Variants in ADGRV1 observed in about 807,000 individuals in gnomAD.
ADGRV1 encodes the protein G-protein coupled receptor 98.
Under a neutral mutation model 596.2 loss-of-function variants are expected in ADGRV1, and 359 were observed. The ratio of observed to expected loss-of-function variants is 0.60; its 90% confidence interval spans 0.55 to 0.66. ADGRV1 has a LOEUF of 0.66. Among genes scored for constraint, ADGRV1 ranks in the 30% least tolerant of loss-of-function variants. The pLI, the probability that ADGRV1 is intolerant of heterozygous loss-of-function variation, is 0.00. For missense variants in ADGRV1, 7,274 were observed against 7,575.6 expected (o/e 0.96, Z 1.48); for synonymous variants, 2,681 against 2,679.2 (o/e 1.00, Z -0.02).
chr5:90,677,611 T>A (rs541316215), intron 25 of ADGRV1, among the ~76,000 whole-genome samples: 1 of 152,310 alleles, frequency 6.6e-6, no homozygotes, highest in African/African-American at 2.4e-5. Context: ...GTACATGAAA[T>A]GTTATTGAGA....
intron 83 of ADGRV1, among the ~76,000 whole-genome samples, chr5:90,942,242 G>A (rs534384023): frequency 6.6e-6 from 1 of 152,272 alleles, no homozygotes; most frequent in South Asian, 2.1e-4. Flanking sequence ...AGAAACTTAT[G>A]TACTGGACAA....
intron 83 of ADGRV1, among the ~76,000 whole-genome samples, chr5:90,926,422 A>G (rs1315676452): frequency 1.4e-5 from 2 of 147,386 alleles, no homozygotes; most frequent in African/African-American, 5.0e-5. Flanking sequence ...ATTTGCGTAG[A>G]GGTGTTTGTA....
intron 83 of ADGRV1, among the ~76,000 whole-genome samples, chr5:90,932,020 T>C (rs1775297406): frequency 6.6e-6 from 1 of 152,204 alleles, no homozygotes; most frequent in African/African-American, 2.4e-5. Context: ...TGTTTTATTT[T>C]CCTTCTCCAC....
intron 74 of ADGRV1, among the ~76,000 whole-genome samples, chr5:90,812,232 CATACTGT>C (rs1394729093): frequency 6.6e-6 from 1 of 152,070 alleles, no homozygotes; most frequent in Non-Finnish European, 1.5e-5. Flanking sequence ...GGCCTGAAAT[CATACTGT>C]ATTTCTTTAA....
chr5:90,681,271 G>T, intron 26 of ADGRV1, 44 bp from the exon 27 acceptor site: 1 of 1,595,862 alleles, frequency 6.3e-7, no homozygotes, highest in South Asian at 1.1e-5. Flanking sequence ...GTAAATTACT[G>T]ATCATCATTT....
At chr5:90,851,220 G>T (rs1054174173) in intron 79 of ADGRV1, among the ~76,000 whole-genome samples, 5 of 150,606 alleles carry the variant, frequency 3.3e-5, no homozygotes, top group Admixed American at 1.3e-4. Flanking sequence ...AGTGTTAAAG[G>T]TTAGAGAATA....
chr5:90,618,952 T>A (rs1012992915), intron 3 of ADGRV1, 134 bp from the exon 4 acceptor site: 105 of 417,942 alleles, frequency 2.5e-4, no homozygotes, highest in Non-Finnish European at 5.1e-5. Context: ...GTTTACTTAA[T>A]CTGTGCATTA....
chr5:90,581,755 G>T (rs1452913142), intron 1 of ADGRV1, among the ~76,000 whole-genome samples: 2 of 152,160 alleles, frequency 1.3e-5, no homozygotes, highest in African/African-American at 4.8e-5. Context: ...ATGCCGTGCT[G>T]GGTGAACCAC....
intron 89 of ADGRV1, among the ~76,000 whole-genome samples, chr5:91,161,156 A>G (rs1796907143): frequency 6.6e-6 from 1 of 152,096 alleles, no homozygotes; most frequent in Non-Finnish European, 1.5e-5. Context: ...TAGTGCTTCC[A>G]TATTTAGCTC....
chr5:90,753,018 C>G (rs58138936), intron 53 of ADGRV1, among the ~76,000 whole-genome samples: 57,616 of 151,662 alleles, frequency 0.38, 11,806 homozygotes, highest in Admixed American at 0.54. Flanking sequence ...CAAGGTCTTC[C>G]ATGCTTTTTA....
chr5:90,883,775 G>C (rs190157116), intron 83 of ADGRV1, among the ~76,000 whole-genome samples: 1 of 152,134 alleles, frequency 6.6e-6, no homozygotes, highest in East Asian at 1.9e-4. Context: ...TTCACTTACG[G>C]GACTGTGGCA....
chr5:90,813,809 C>G (rs746229358), intron 74 of ADGRV1, among the ~76,000 whole-genome samples: 2 of 152,102 alleles, frequency 1.3e-5, no homozygotes, highest in Admixed American at 1.3e-4. Flanking sequence ...ATCCACCTAC[C>G]TTTATAATCT....
intron 85 of ADGRV1, among the ~76,000 whole-genome samples, chr5:91,028,744 T>TTG (rs1554200339): frequency 3.5e-4 from 53 of 149,478 alleles, no homozygotes; most frequent in African/African-American, 1.2e-3. Flanking sequence ...TTTTTTTTTT[T>TTG]TTTTTTTTTT....
At chr5:90,841,643 A>G (rs1561833650) in intron 78 of ADGRV1, among the ~76,000 whole-genome samples, 1 of 152,196 alleles carries the variant, frequency 6.6e-6, no homozygotes, top group Non-Finnish European at 1.5e-5. Flanking sequence ...ACTTAAAAAA[A>G]AAGCCTCCTT....
At position 90,614,892 on chromosome 5, in the gene ADGRV1, T is replaced by G. The variant is rs1180662295; in HGVS notation, c.80T>G (p.Val27Gly). 9.3e-6 allele frequency: 15 copies of G among 1,610,248 alleles called. No individual in the cohort carries two copies. Among genetic ancestry groups the G allele is most frequent in the Non-Finnish European group, 1.2e-5 (14 of 1,177,692 alleles). The change falls in exon 2 of 90, where the codon GTG becomes GGG. Residue 27 changes from valine (V) to glycine (G), a missense_variant. Physicochemically the swap from Val to Gly is moderately radical, Grantham distance 109 (BLOSUM62 -3). Transcript: ENST00000405460. Reference protein sequence around the residue: ...NLLSALLILFVFGETEIRFTG... With the variant: ...NLLSALLILFGFGETEIRFTG... ...CTTTCAGCTTTACTCATCCTATTTG[T>G]GTTTGGAGAAACAGAAATAAGATTT...
intron 85 of ADGRV1, 38 bp from the exon 86 acceptor site, chr5:91,072,409 G>A: frequency 6.4e-7 from 1 of 1,572,494 alleles, no homozygotes; most frequent in Non-Finnish European, 8.8e-7. Flanking sequence ...TATTTGCGCT[G>A]AAAGTGTCTG....
intron 83 of ADGRV1, among the ~76,000 whole-genome samples, chr5:90,895,381 G>A (rs902585081): frequency 2.6e-5 from 4 of 152,190 alleles, no homozygotes; most frequent in Non-Finnish European, 2.9e-5. Context: ...AAGCATCACT[G>A]TGGGGCTGAC....
intron 83 of ADGRV1, among the ~76,000 whole-genome samples, chr5:90,878,741 G>A (rs1006499430): frequency 3.3e-5 from 5 of 152,198 alleles, no homozygotes; most frequent in African/African-American, 1.2e-4. Context: ...GAGTGCTGGG[G>A]AGATTTATAC....
intron 69 of ADGRV1, 31 bp from the exon 70 acceptor site, chr5:90,790,842 A>G (rs780976231): frequency 2.9e-5 from 42 of 1,432,160 alleles, no homozygotes; most frequent in Non-Finnish European, 3.8e-5. Context: ...TGAATTATAT[A>G]ACTTTGTTGA....
Sources: allele counts gnomAD v4.1 joint callset (sites outside exome capture counted in the v4.1 genomes callset), GRCh38; gene constraint gnomAD v4.1.1; transcripts MANE v1.5; gene names NCBI Gene and HGNC (gene_info 2026-07-23, HGNC 2026-07-21).